Variants in MAML3 observed in about 807,000 individuals in gnomAD.
The protein encoded by MAML3 is mastermind-like protein 3.
A neutral mutation model predicts 101.9 loss-of-function variants in MAML3; 27 were observed. That is an observed-to-expected ratio of 0.27 (90% CI 0.20 to 0.37). The LOEUF (loss-of-function observed/expected upper bound fraction) is 0.37. Among genes scored for constraint, MAML3 ranks in the 10% least tolerant of loss-of-function variants. The pLI, the probability that MAML3 is intolerant of heterozygous loss-of-function variation, is 1.00. For missense variants in MAML3, 1,316 were observed against 1,444.9 expected (o/e 0.91, Z 1.45); for synonymous variants, 501 against 555.9 (o/e 0.90, Z 1.39).
intron 1 of MAML3, among the ~76,000 whole-genome samples, chr4:140,057,216 C>T (rs1021501423): frequency 1.3e-5 from 2 of 152,134 alleles, no homozygotes; most frequent in Non-Finnish European, 2.9e-5. Context: ...TTCAAGGCTG[C>T]AATGAGCTAT....
chr4:140,065,230 A>G (rs997466180), intron 1 of MAML3, among the ~76,000 whole-genome samples: 1 of 152,174 alleles, frequency 6.6e-6, no homozygotes, highest in Non-Finnish European at 1.5e-5. Context: ...GAGAGATGTG[A>G]AAAGTATACA....
At chr4:140,046,770 G>A (rs1045220598) in intron 1 of MAML3, among the ~76,000 whole-genome samples, 4 of 151,986 alleles carry the variant, frequency 2.6e-5, no homozygotes, top group Non-Finnish European at 5.9e-5. Context: ...GGAATTTAGG[G>A]TTGGCAACTG....
chr4:139,756,338 G>T lies in MAML3; in HGVS notation c.2080-25671C>A, dbSNP rs996143945. 6.6e-5 allele frequency among the ~76,000 whole-genome samples: 10 copies of T among 152,118 alleles called. 1 individual carries two copies. The highest frequency in any genetic ancestry group is 4.4e-5 in the Non-Finnish European group (3 of 68,022). On this transcript the variant is annotated intron_variant, in intron 2 of 4. Coordinates refer to ENST00000509479, the MANE Select transcript of MAML3 (RefSeq NM_018717.5). ...TTGAATAAAATGGATCTTTAATTTTGAGATTTTTATTATGCTCCATCAAGA... is the reference window on the plus strand; with the variant it reads ...TTGAATAAAATGGATCTTTAATTTTTAGATTTTTATTATGCTCCATCAAGA...
At position 140,036,426 on chromosome 4, in the gene MAML3, C is replaced by T. The variant is rs146101446; in HGVS notation, c.468+116434G>A. On this transcript the variant is annotated intron_variant, in intron 1 of 4. Coordinates refer to ENST00000509479, the MANE Select transcript of MAML3 (RefSeq NM_018717.5). Reference sequence around the variant, plus strand: ...TACAGGGAGGATGAAACAGCTACCGCGATTAAAAACCTGCTCCCTTGAAAA... The same window carrying T: ...TACAGGGAGGATGAAACAGCTACCGTGATTAAAAACCTGCTCCCTTGAAAA... Among the ~76,000 whole-genome samples the T allele has an allele frequency of 1.2e-4, 19 of 152,302 alleles. No homozygotes were observed. The East Asian group carries it at 1.4e-3, about 11-fold the overall frequency.
chr4:139,907,564 C>A (rs981864942), intron 1 of MAML3, among the ~76,000 whole-genome samples: 1 of 152,028 alleles, frequency 6.6e-6, no homozygotes. Flanking sequence ...GCCAGAAAAC[C>A]AAGTGTTTAA....
rs114037288 is a variant in MAML3 at position 140,023,621 on chromosome 4, C to G, written c.468+129239G>C. The stretch of plus-strand genomic sequence containing the variant: ...GTTCTTTCAAATATTTGCTGGCATT[C>G]AGACATGGCTTTTAAAAAAGTTTCT... On this transcript the variant is annotated intron_variant, in intron 1 of 4. Transcript: ENST00000509479. Among the ~76,000 whole-genome samples, 695 of 152,342 alleles carry G rather than the reference C, an allele frequency of 4.6e-3. 6 individuals are homozygous for G. Among genetic ancestry groups the G allele is most frequent in the African/African-American group, 0.016 (657 of 41,578 alleles).
At position 139,890,076 on chromosome 4, in the gene MAML3, G is replaced by T. The variant is rs777319003; in HGVS notation, c.1360C>A (p.Pro454Thr). Residue 454 changes from proline (P) to threonine (T), a missense_variant, in exon 2 of 5, where the codon CCT becomes ACT. Physicochemically the swap from Pro to Thr is conservative, Grantham distance 38. Coordinates refer to ENST00000509479, the MANE Select transcript of MAML3 (RefSeq NM_018717.5). This position sits in a 1 kb window ranked among gnomAD's most constrained non-coding sequence, Gnocchi z 4.1. The part of the protein sequence containing the change: ...AVTVAGSASG[P>T]VAVPSSDMSP... Reference sequence around the variant, plus strand: ...ATGTCAGAGCTGGGCACAGCCACAGGCCCTGACGCTGAACCGGCCACTGTC... The same window carrying T: ...ATGTCAGAGCTGGGCACAGCCACAGTCCCTGACGCTGAACCGGCCACTGTC... 9 of 1,611,932 alleles carry T rather than the reference G, an allele frequency of 5.6e-6. No homozygotes were observed. The highest frequency in any genetic ancestry group is 7.6e-6 in the Non-Finnish European group (9 of 1,178,934).
intron 1 of MAML3, among the ~76,000 whole-genome samples, chr4:140,082,257 T>C (rs1727870557): frequency 2.0e-5 from 3 of 152,380 alleles, no homozygotes; most frequent in Non-Finnish European, 4.4e-5. Context: ...GCAAGTTTAT[T>C]CTGCCCAGGG....
chr4:140,104,395 T>TA (rs1491536300), intron 1 of MAML3, among the ~76,000 whole-genome samples: 10 of 31,076 alleles, frequency 3.2e-4, no homozygotes, highest in Admixed American at 7.2e-4. Flanking sequence ...ATATTATATA[T>TA]TATATAATAT....
intron 2 of MAML3, among the ~76,000 whole-genome samples, chr4:139,804,940 A>C (rs1730678724): frequency 6.6e-6 from 1 of 152,142 alleles, no homozygotes; most frequent in East Asian, 1.9e-4. Flanking sequence ...GCACCTTGGG[A>C]GGCTGAGACA....
In MAML3 at chr4:139,878,611, A is replaced by C. The variant is rs569770869; in HGVS notation, c.2079+10746T>G. Among the ~76,000 whole-genome samples, 28 of 152,280 alleles carry C rather than the reference A, an allele frequency of 1.8e-4. 2 individuals are homozygous for C. In the South Asian group the frequency reaches 5.8e-3, roughly 32 times the overall value. On this transcript the variant is annotated intron_variant, in intron 2 of 4. Transcript: ENST00000509479. ...CTGTGAGTGCACTGGGTAGGGGCCTAGGGTGTAGCAGAATGCACCTTGAAA... is the reference window on the plus strand; with the variant it reads ...CTGTGAGTGCACTGGGTAGGGGCCTCGGGTGTAGCAGAATGCACCTTGAAA...
At chr4:139,796,355 T>A (rs985702014) in intron 2 of MAML3, among the ~76,000 whole-genome samples, 5 of 152,230 alleles carry the variant, frequency 3.3e-5, no homozygotes, top group Non-Finnish European at 5.9e-5. Context: ...ATATTTTTGA[T>A]GAAAATTGCT....
At chr4:140,120,309 G>A (rs1362778718) in intron 1 of MAML3, among the ~76,000 whole-genome samples, 1 of 150,554 alleles carries the variant, frequency 6.6e-6, no homozygotes, top group Non-Finnish European at 1.5e-5. Flanking sequence ...CCCCTAATGA[G>A]TAATGAGCAG....
chr4:139,990,804 G>T (rs1734657741), intron 1 of MAML3, among the ~76,000 whole-genome samples: 1 of 152,148 alleles, frequency 6.6e-6, no homozygotes, highest in Admixed American at 6.5e-5. Context: ...AGTCACAATT[G>T]CTTCAAAGAG....
intron 1 of MAML3, among the ~76,000 whole-genome samples, chr4:140,094,081 T>C (rs1728109346): frequency 1.3e-5 from 2 of 152,212 alleles, no homozygotes; most frequent in South Asian, 4.1e-4. Context: ...TCTCTGCCAA[T>C]GAGCTCTGCC....
At chr4:139,954,564 G>A (rs1001659541) in intron 1 of MAML3, among the ~76,000 whole-genome samples, 2 of 152,326 alleles carry the variant, frequency 1.3e-5, no homozygotes, top group East Asian at 1.9e-4. Context: ...GCATTAAGGT[G>A]AGTCCAGAGG....
intron 1 of MAML3, among the ~76,000 whole-genome samples, chr4:139,966,741 A>C (rs148783256): frequency 1.7e-4 from 26 of 152,306 alleles, no homozygotes; most frequent in Non-Finnish European, 2.6e-4. Flanking sequence ...TATTTTAACA[A>C]ATTTTTTTTA....
At position 139,974,111 on chromosome 4, in the gene MAML3, T is replaced by G. The variant is rs920480728; in HGVS notation, c.469-83144A>C. Among the ~76,000 whole-genome samples, 172 of 151,102 alleles carry G rather than the reference T, an allele frequency of 1.1e-3. No homozygotes were observed. The Middle Eastern group carries it at 0.014, about 12-fold the overall frequency. ...TTTATTCTTACATTTAATAGTTTTT[T>G]TTTTTTTTTTTTGAGACAGAGTCTC... On this transcript the variant is annotated intron_variant, in intron 1 of 4. Transcript: ENST00000509479.
At chr4:139,721,618 CCTTT>C (rs1406619312) in intron 4 of MAML3, among the ~76,000 whole-genome samples, 2 of 152,026 alleles carry the variant, frequency 1.3e-5, no homozygotes, top group East Asian at 1.9e-4. Context: ...ATAGTTTCTT[CCTTT>C]CTTTAAGAAA....
Sources: gnomAD v4.1 joint callset for allele counts (sites outside exome capture counted in the v4.1 genomes callset) on GRCh38, gnomAD v4.1.1 for gene constraint, Gnocchi (gnomAD v3.1) non-coding constraint, MANE v1.5 for transcripts, NCBI Gene and HGNC (gene_info 2026-07-23, HGNC 2026-07-21) for gene names.